Variants in CCDC192 observed in about 807,000 individuals in gnomAD.
CCDC192 encodes coiled-coil domain-containing protein 192.
intron 3 of CCDC192, among the ~76,000 whole-genome samples, chr5:127,762,997 A>G (rs571665980): frequency 1.3e-5 from 2 of 152,144 alleles, no homozygotes; most frequent in Non-Finnish European, 1.5e-5. Context: ...GGAAAATTGT[A>G]TATGCCATTT....
intron 5 of CCDC192, among the ~76,000 whole-genome samples, chr5:127,861,848 G>A (rs1751385718): frequency 6.6e-6 from 1 of 152,168 alleles, no homozygotes; most frequent in Non-Finnish European, 1.5e-5. Context: ...GCTGTTGATG[G>A]AGTTAGGAAA....
chr5:127,757,011 A>C (rs1008381625), intron 3 of CCDC192, among the ~76,000 whole-genome samples: 6 of 152,240 alleles, frequency 3.9e-5, no homozygotes, highest in Admixed American at 3.3e-4. Flanking sequence ...TTTTTCAGTA[A>C]TATAGCAGAT....
chr5:127,779,469 G>T (rs1335052541), intron 3 of CCDC192, among the ~76,000 whole-genome samples: 1 of 151,088 alleles, frequency 6.6e-6, no homozygotes, highest in African/African-American at 2.5e-5. Context: ...CTAATTTATT[G>T]TATTTTTAGT....
At chr5:127,857,301 A>G (rs1751144002) in intron 5 of CCDC192, among the ~76,000 whole-genome samples, 1 of 151,918 alleles carries the variant, frequency 6.6e-6, no homozygotes, top group African/African-American at 2.4e-5. Context: ...CATCCTGAAT[A>G]CCTCCCTCAA....
At chr5:127,808,616 C>T (rs961631940) in intron 5 of CCDC192, among the ~76,000 whole-genome samples, 1 of 152,156 alleles carries the variant, frequency 6.6e-6, no homozygotes, top group Non-Finnish European at 1.5e-5. Context: ...AGGCCTCCAT[C>T]CCTTTGCAGA....
chr5:127,799,159 C>T (rs1257341097), intron 5 of CCDC192, among the ~76,000 whole-genome samples: 3 of 152,184 alleles, frequency 2.0e-5, no homozygotes, highest in Non-Finnish European at 4.4e-5. Flanking sequence ...TCAGACAGAC[C>T]TGAGACCTAT....
At chr5:127,835,533 T>C (rs1749997253) in intron 5 of CCDC192, among the ~76,000 whole-genome samples, 1 of 152,154 alleles carries the variant, frequency 6.6e-6, no homozygotes, top group Admixed American at 6.5e-5. Context: ...TGTGCGTAGG[T>C]TTGTTTTCAC....
intron 1 of CCDC192, among the ~76,000 whole-genome samples, chr5:127,704,508 T>G (rs1309256417): frequency 6.6e-6 from 1 of 152,188 alleles, no homozygotes; most frequent in Non-Finnish European, 1.5e-5. Flanking sequence ...AGTTTTAAAA[T>G]GTATTTTCCT....
intron 3 of CCDC192, among the ~76,000 whole-genome samples, chr5:127,765,672 G>A (rs1176224464): frequency 6.6e-6 from 1 of 152,174 alleles, no homozygotes; most frequent in Non-Finnish European, 1.5e-5. Flanking sequence ...ACATAAAATA[G>A]ATAGTAAATT....
intron 5 of CCDC192, among the ~76,000 whole-genome samples, chr5:127,839,670 G>C (rs898686908): frequency 6.6e-6 from 1 of 152,106 alleles, no homozygotes; most frequent in African/African-American, 2.4e-5. Context: ...AAGTGGTCAA[G>C]GGACTGGGCT....
intron 5 of CCDC192, among the ~76,000 whole-genome samples, chr5:127,837,576 ATC>A (rs1750079888): frequency 1.1e-4 from 2 of 18,134 alleles, no homozygotes; most frequent in Non-Finnish European, 1.6e-4. Context: ...GCCTAACCAT[ATC>A]AGAATGTAAA....
intron 4 of CCDC192, 29 bp from the exon 5 acceptor site, chr5:127,798,077 C>G: frequency 2.5e-6 from 1 of 397,892 alleles, no homozygotes; most frequent in Non-Finnish European, 4.4e-6. Context: ...GAGTTACATA[C>G]TTAGTTTCTA....
intron 5 of CCDC192, among the ~76,000 whole-genome samples, chr5:127,853,209 AC>A (rs1238859822): frequency 6.6e-6 from 1 of 152,194 alleles, no homozygotes; most frequent in African/African-American, 2.4e-5. Context: ...CAGCAACTGG[AC>A]TACCACCTCA....
chr5:127,743,988 G>A (rs1488198585), intron 2 of CCDC192, among the ~76,000 whole-genome samples: 4 of 151,640 alleles, frequency 2.6e-5, no homozygotes, highest in Non-Finnish European at 5.9e-5. Context: ...CAGCTACTCG[G>A]GAGGCTGAGG....
At position 127,784,582 on chromosome 5, in the gene CCDC192, G is replaced by A. The variant is rs112588646; in HGVS notation, c.223-12521G>A. ...TTCTTTCCAACATGAACTATTTGCTGTGGGACACACAGTCAGACCCTTCCT... is the reference window on the plus strand; with the variant it reads ...TTCTTTCCAACATGAACTATTTGCTATGGGACACACAGTCAGACCCTTCCT... On this transcript the variant is annotated intron_variant, in intron 3 of 6. Transcript: ENST00000514853. 4,258 of 526,456 alleles carry A rather than the reference G, an allele frequency of 8.1e-3. 151 individuals carry two copies. Among genetic ancestry groups the A allele is most frequent in the African/African-American group, 0.075 (3,830 of 51,140 alleles). The allele number at this position is 526,456 out of a possible 1,614,324, so 32.6% of individuals were successfully genotyped here.
At chr5:127,884,026 T>C (rs1218798543) in intron 6 of CCDC192, among the ~76,000 whole-genome samples, 5 of 151,982 alleles carry the variant, frequency 3.3e-5, no homozygotes, top group Admixed American at 6.6e-5. Context: ...CAGTCTATAG[T>C]GAACATTTGT....
At chr5:127,842,531 A>G (rs1300971702) in intron 5 of CCDC192, among the ~76,000 whole-genome samples, 1 of 152,176 alleles carries the variant, frequency 6.6e-6, no homozygotes, top group Admixed American at 6.5e-5. Context: ...ATTCTTAATA[A>G]TTTTTGAACA....
chr5:127,915,748 C>T (rs1444707314), intron 6 of CCDC192, among the ~76,000 whole-genome samples: 1 of 151,910 alleles, frequency 6.6e-6, no homozygotes, highest in Non-Finnish European at 1.5e-5. Context: ...AGCTCATCAG[C>T]TATTGTTAGT....
intron 5 of CCDC192, among the ~76,000 whole-genome samples, chr5:127,829,318 T>C (rs1175323744): frequency 1.3e-5 from 2 of 152,218 alleles, no homozygotes; most frequent in African/African-American, 4.8e-5. Flanking sequence ...TAAATACAAG[T>C]CAAGGAAACA....
Sources: gnomAD v4.1 joint callset for allele counts (sites outside exome capture counted in the v4.1 genomes callset) on GRCh38, gnomAD v4.1.1 for gene constraint, MANE v1.5 for transcripts, NCBI Gene and HGNC (gene_info 2026-07-23, HGNC 2026-07-21) for gene names.